Variants in PCDHGB6 observed in about 807,000 individuals in gnomAD.
PCDHGB6 encodes the protein protocadherin gamma subfamily B, 6.
In PCDHGB6, 51 loss-of-function variants were observed where a neutral mutation model predicts 59.1. That is an observed-to-expected ratio of 0.86 (90% CI 0.69 to 1.09). PCDHGB6 has a LOEUF of 1.09. Among genes scored for constraint, PCDHGB6 ranks in the 50% least tolerant of loss-of-function variants. The pLI is 0.00. For missense variants in PCDHGB6, 1,148 were observed against 1,205.1 expected (o/e 0.95, Z 0.70); for synonymous variants, 466 against 495.1 (o/e 0.94, Z 0.78).
intron 1 of PCDHGB6, among the ~76,000 whole-genome samples, chr5:141,468,198 G>A (rs992118435): frequency 9.2e-5 from 14 of 151,854 alleles, no homozygotes; most frequent in Admixed American, 7.2e-4. Context: ...GGTGGCGGGT[G>A]CCTGTAATTC....
intron 1 of PCDHGB6, chr5:141,433,151 G>T (rs2097572071): frequency 1.2e-6 from 2 of 1,614,006 alleles, no homozygotes; most frequent in African/African-American, 1.3e-5. Context: ...AGGTGATTCG[G>T]TATTTTCTAA....
rs1332652972 is a variant in PCDHGB6, at chr5:141,432,381, C to T, written c.2418+21761C>T. On this transcript the variant is annotated intron_variant, in intron 1 of 3. Transcript: ENST00000520790. The surrounding 1 kb of genome is among the most constrained non-coding windows in gnomAD (Gnocchi z 6.0). ...ATGGCGCGGGACAACGGGCACCCGCCCCTCAGCAGCAACGTGTCGTTGAGC... is the reference window on the plus strand; with the variant it reads ...ATGGCGCGGGACAACGGGCACCCGCTCCTCAGCAGCAACGTGTCGTTGAGC... 1 of 1,614,256 alleles carries T rather than the reference C, an allele frequency of 6.2e-7. No homozygotes were observed. The highest frequency in any genetic ancestry group is 1.1e-5 in the South Asian group (1 of 91,082).
In PCDHGB6 at chr5:141,490,951, T is replaced by C. The variant is rs778168052; in HGVS notation, c.2419-3856T>C. 20 of 1,613,640 alleles carry C rather than the reference T, an allele frequency of 1.2e-5. No homozygotes were observed. Among genetic ancestry groups the C allele is most frequent in the Middle Eastern group, 1.6e-4 (1 of 6,084 alleles). On this transcript the variant is annotated intron_variant, in intron 1 of 3. Coordinates refer to ENST00000520790, the MANE Select transcript of PCDHGB6 (RefSeq NM_018926.3). This position sits in a 1 kb window ranked among gnomAD's most constrained non-coding sequence, Gnocchi z 5.4. The stretch of plus-strand genomic sequence containing the variant: ...AGCTGTGCTGCACCCACGGCCAGAC[T>C]GGGAACACTCAGCCCCCCAGCGTCT...
chr5:141,488,939 T>C (rs1229571704), intron 1 of PCDHGB6, among the ~76,000 whole-genome samples: 1 of 152,114 alleles, frequency 6.6e-6, no homozygotes, highest in Non-Finnish European at 1.5e-5. Context: ...GGAAACTCCA[T>C]AATTGGTTGA....
rs756915110 is a variant in PCDHGB6, at chr5:141,490,431, T to C, written c.2419-4376T>C. 6 of 1,614,036 alleles carry C rather than the reference T, an allele frequency of 3.7e-6. No individual in the cohort carries two copies. In the South Asian group the frequency reaches 6.6e-5, roughly 18 times the overall value. ...TCTCTCCGGACCTGCCATTTCAGATTAAGCCTTCTGAGAACCACTACTCGC... is the reference window on the plus strand; with the variant it reads ...TCTCTCCGGACCTGCCATTTCAGATCAAGCCTTCTGAGAACCACTACTCGC... On this transcript the variant is annotated intron_variant, in intron 1 of 3. Transcript: ENST00000520790. The surrounding 1 kb of genome is among the most constrained non-coding windows in gnomAD (Gnocchi z 5.4).
chr5:141,424,184 C>A, intron 1 of PCDHGB6: 1 of 199,136 alleles, frequency 5.0e-6, no homozygotes, highest in Non-Finnish European at 9.9e-6. Context: ...TACACATGCA[C>A]ACACACTTAT....
chr5:141,473,377 C>T (rs2099320819), intron 1 of PCDHGB6, among the ~76,000 whole-genome samples: 1 of 152,202 alleles, frequency 6.6e-6, no homozygotes, highest in Admixed American at 6.5e-5. Flanking sequence ...TAGCATGGTC[C>T]CTGCCCTCCT....
chr5:141,478,213 C>A (rs2099439229), intron 1 of PCDHGB6: 1 of 1,614,000 alleles, frequency 6.2e-7, no homozygotes, highest in Non-Finnish European at 8.5e-7. Context: ...TTTCTCTAAT[C>A]CTGGTTTCTG....
In PCDHGB6 at chr5:141,409,813, C is replaced by T; in HGVS notation, c.1611C>T (p.His537=). The T allele has an allele frequency of 1.2e-6, 2 of 1,611,170 alleles. No homozygotes were observed. The highest frequency in any genetic ancestry group is 1.3e-5 in the African/African-American group (1 of 75,010). ...CGCTCACGCTGCAGGCCCGCGACCA[C>T]GGCTCGCCCACGCTCAGCGCCAACG... ...AFALTLQARD[H]GSPTLSANVS... is the part of the protein sequence containing the mutation. Residue 537 remains histidine, a synonymous_variant, in exon 1 of 4, where the codon CAC becomes CAT. Coordinates refer to ENST00000520790, the MANE Select transcript of PCDHGB6 (RefSeq NM_018926.3).
intron 1 of PCDHGB6, among the ~76,000 whole-genome samples, chr5:141,482,057 C>A (rs2099551189): frequency 6.7e-6 from 1 of 149,978 alleles, no homozygotes; most frequent in Non-Finnish European, 1.5e-5. Flanking sequence ...TGCATTCCAG[C>A]CTGGGCAACA....
intron 1 of PCDHGB6, 179 bp downstream of exon 1, chr5:141,410,799 C>A: frequency 1.8e-6 from 1 of 560,610 alleles, no homozygotes; most frequent in Non-Finnish European, 2.6e-6. Flanking sequence ...ATAAGTTGCT[C>A]TATCTTTTTG....
rs113341686 is a variant in PCDHGB6, at chr5:141,488,763, G to A, written c.2419-6044G>A. Among the ~76,000 whole-genome samples the A allele has an allele frequency of 6.6e-4, 101 of 152,264 alleles. 1 individual carries two copies. The highest frequency in any genetic ancestry group is 1.7e-3 in the African/African-American group (69 of 41,544). ...ATGCAGGAAGTTGCTGGGACAGAACGCTGAGGAGTTTTGTATCACTTTGTC... is the reference window on the plus strand; with the variant it reads ...ATGCAGGAAGTTGCTGGGACAGAACACTGAGGAGTTTTGTATCACTTTGTC... On this transcript the variant is annotated intron_variant, in intron 1 of 3. Coordinates refer to ENST00000520790, the MANE Select transcript of PCDHGB6 (RefSeq NM_018926.3).
intron 1 of PCDHGB6, chr5:141,478,446 G>A: frequency 6.2e-7 from 1 of 1,613,520 alleles, no homozygotes; most frequent in Non-Finnish European, 8.5e-7. Flanking sequence ...AAGAAACCTG[G>A]TGCAGCCAGT....
chr5:141,443,223 A>G (rs2098374731), intron 1 of PCDHGB6, among the ~76,000 whole-genome samples: 1 of 152,044 alleles, frequency 6.6e-6, no homozygotes, highest in African/African-American at 2.4e-5. Flanking sequence ...AGGCGCATCT[A>G]TAATCTTAGC....
At chr5:141,499,779 C>T (rs1450026011) in intron 2 of PCDHGB6, among the ~76,000 whole-genome samples, 3 of 151,452 alleles carry the variant, frequency 2.0e-5, no homozygotes, top group Non-Finnish European at 4.4e-5. Flanking sequence ...CTTCGCCTCC[C>T]GGGTTCAAGC....
chr5:141,457,972 A>AC (rs1198043621), intron 1 of PCDHGB6, among the ~76,000 whole-genome samples: 4 of 152,218 alleles, frequency 2.6e-5, no homozygotes, highest in African/African-American at 9.6e-5. Flanking sequence ...TTAAAGGGAA[A>AC]CACACCCTTT....
chr5:141,411,017 A>T lies in PCDHGB6; in HGVS notation c.2418+397A>T, dbSNP rs140607036. ...TACTGGTGCCCCTCACCACAGCTAA[A>T]TTTTTTGTATTTTTAGTAGACATGG... On this transcript the variant is annotated intron_variant, in intron 1 of 3. Transcript: ENST00000520790. 3.9e-3 allele frequency: 631 copies of T among 162,486 alleles called. 5 individuals are homozygous for T. Among genetic ancestry groups the T allele is most frequent in the Admixed American group, 0.011 (172 of 16,000 alleles). 10.1% of individuals were successfully genotyped at this position (162,486 alleles called of 1,614,324 possible).
intron 1 of PCDHGB6, among the ~76,000 whole-genome samples, chr5:141,438,349 C>G (rs892834423): frequency 6.6e-6 from 1 of 151,762 alleles, no homozygotes; most frequent in Non-Finnish European, 1.5e-5. Flanking sequence ...AGGATCTACT[C>G]TGTGTATTGT....
chr5:141,482,601 A>T (rs1158399317), intron 1 of PCDHGB6, among the ~76,000 whole-genome samples: 1 of 152,002 alleles, frequency 6.6e-6, no homozygotes, highest in Non-Finnish European at 1.5e-5. Flanking sequence ...ACGGGAAAAA[A>T]CACCTAAATG....
Sources: allele counts gnomAD v4.1 joint callset (sites outside exome capture counted in the v4.1 genomes callset), GRCh38; gene constraint gnomAD v4.1.1; non-coding constraint Gnocchi (gnomAD v3.1); transcripts MANE v1.5; gene names NCBI Gene and HGNC (gene_info 2026-07-23, HGNC 2026-07-21).